The following STAG1 variants were observed in gnomAD, a reference collection of about 807,000 sequenced individuals.
STAG1 encodes the protein cohesin subunit SA-1.
Under a neutral mutation model 170.9 loss-of-function variants are expected in STAG1, and 26 were observed. That is an observed-to-expected ratio of 0.15 (90% CI 0.11 to 0.21). The LOEUF (loss-of-function observed/expected upper bound fraction) is 0.21. Among genes scored for constraint, STAG1 ranks in the 10% least tolerant of loss-of-function variants. The pLI, the probability that STAG1 is intolerant of heterozygous loss-of-function variation, is 1.00. For synonymous variants in STAG1, 514 were observed against 497.7 expected (o/e 1.03, Z -0.44); for missense variants, 964 against 1,509.5 (o/e 0.64, Z 5.99).
chr3:136,610,692 C>T (rs1427105002), intron 3 of STAG1, among the ~76,000 whole-genome samples: 1 of 151,984 alleles, frequency 6.6e-6, no homozygotes, highest in African/African-American at 2.4e-5. Context: ...TGCACACAAA[C>T]TGAAATGTCT....
chr3:136,509,352 A>G (rs953845796), intron 7 of STAG1, among the ~76,000 whole-genome samples: 1 of 151,898 alleles, frequency 6.6e-6, no homozygotes, highest in Non-Finnish European at 1.5e-5. Context: ...AGTATAATAC[A>G]CTAAGGGGAT....
chr3:136,625,584 T>C (rs1213917707), intron 2 of STAG1, among the ~76,000 whole-genome samples: 2 of 152,246 alleles, frequency 1.3e-5, no homozygotes, highest in Non-Finnish European at 2.9e-5. Flanking sequence ...AAATTTATTG[T>C]CACCATTATC....
chr3:136,342,309 G>A lies in STAG1; in HGVS notation c.3447-758C>T, dbSNP rs1000109845. The stretch of plus-strand genomic sequence containing the variant: ...GCTGGGATTACAGGCATGAGCCACC[G>A]CGCCCAGCCAGGAATTTTTTTTTTT... On this transcript the variant is annotated intron_variant, in intron 30 of 33. Transcript: ENST00000383202. Among the ~76,000 whole-genome samples, 51 of 151,410 alleles carry A rather than the reference G, an allele frequency of 3.4e-4. 1 individual carries two copies. Among genetic ancestry groups the A allele is most frequent in the Admixed American group, 3.3e-3 (50 of 15,178 alleles).
intron 1 of STAG1, among the ~76,000 whole-genome samples, chr3:136,648,111 G>T (rs961558086): frequency 6.6e-6 from 1 of 152,202 alleles, no homozygotes; most frequent in African/African-American, 2.4e-5. Flanking sequence ...TGGACAGTAA[G>T]TATCTAGGGG....
chr3:136,412,698 T>C (rs1293934691), intron 21 of STAG1, among the ~76,000 whole-genome samples: 1 of 152,072 alleles, frequency 6.6e-6, no homozygotes, highest in Non-Finnish European at 1.5e-5. Context: ...TTCTGTAAAA[T>C]AACTAGTCTA....
At chr3:136,475,238 C>G (rs1269543369) in intron 10 of STAG1, among the ~76,000 whole-genome samples, 1 of 149,852 alleles carries the variant, frequency 6.7e-6, no homozygotes, top group Admixed American at 6.8e-5. Context: ...CCTCCGCCTC[C>G]CAGGTTCAAG....
chr3:136,500,180 G>C (rs1409421686), intron 9 of STAG1, 43 bp downstream of exon 9: 1 of 1,250,046 alleles, frequency 8.0e-7, no homozygotes, highest in Non-Finnish European at 1.1e-6. Flanking sequence ...ATCAATAATT[G>C]TTTAAGTGAA....
At chr3:136,426,195 CAGG>C (rs1414791357) in intron 16 of STAG1, among the ~76,000 whole-genome samples, 2 of 151,492 alleles carry the variant, frequency 1.3e-5, no homozygotes, top group African/African-American at 4.8e-5. Context: ...ATCACGAGGT[CAGG>C]AGATCGAGAC....
chr3:136,431,188 G>C (rs1360460903), intron 16 of STAG1, among the ~76,000 whole-genome samples: 6 of 151,908 alleles, frequency 3.9e-5, no homozygotes. Context: ...GCAGGAGTGA[G>C]CCACTGCACC....
intron 20 of STAG1, among the ~76,000 whole-genome samples, chr3:136,418,191 T>TA (rs2087829195): frequency 6.6e-6 from 1 of 151,106 alleles, no homozygotes; most frequent in East Asian, 1.9e-4. Flanking sequence ...CTGTCTCTAT[T>TA]AAAAATACAC....
chr3:136,664,135 G>C (rs541233201), intron 1 of STAG1, among the ~76,000 whole-genome samples: 9 of 152,256 alleles, frequency 5.9e-5, no homozygotes, highest in African/African-American at 2.2e-4. Context: ...TTCAAACTAT[G>C]GGGTTTCAAA....
At chr3:136,385,021 G>GTAA (rs1166225448) in intron 22 of STAG1, among the ~76,000 whole-genome samples, 1 of 152,156 alleles carries the variant, frequency 6.6e-6, no homozygotes, top group East Asian at 1.9e-4. Flanking sequence ...ATACAGAAGA[G>GTAA]TAATCTATGC....
At chr3:136,391,383 T>C (rs1156340318) in intron 22 of STAG1, among the ~76,000 whole-genome samples, 1 of 149,432 alleles carries the variant, frequency 6.7e-6, no homozygotes, top group Non-Finnish European at 1.5e-5. Flanking sequence ...TTTTTTTTTT[T>C]TTTTCTTTTT....
At chr3:136,493,166 A>G (rs1345953405) in intron 9 of STAG1, among the ~76,000 whole-genome samples, 5 of 152,134 alleles carry the variant, frequency 3.3e-5, no homozygotes, top group Non-Finnish European at 7.4e-5. Flanking sequence ...ACATGGCGAA[A>G]CTTCGTCTCT....
At chr3:136,632,571 C>T (rs76900841) in intron 1 of STAG1, among the ~76,000 whole-genome samples, 1,606 of 152,104 alleles carry the variant, frequency 0.011, 24 homozygotes, top group East Asian at 0.038. Flanking sequence ...CACATAAGCT[C>T]TCTGGGGTAA....
At chr3:136,730,106 G>A (rs867496974) in intron 1 of STAG1, among the ~76,000 whole-genome samples, 11 of 151,816 alleles carry the variant, frequency 7.2e-5, no homozygotes, top group Non-Finnish European at 1.3e-4. Flanking sequence ...CTCTGTCACT[G>A]CAACCTCAAG....
At chr3:136,718,017 C>G (rs1394306454) in intron 1 of STAG1, among the ~76,000 whole-genome samples, 2 of 152,112 alleles carry the variant, frequency 1.3e-5, no homozygotes, top group Admixed American at 1.3e-4. Context: ...CCTAAAATCC[C>G]TAAAGAGATT....
At chr3:136,646,420 A>G (rs2107851388) in intron 1 of STAG1, among the ~76,000 whole-genome samples, 1 of 152,300 alleles carries the variant, frequency 6.6e-6, no homozygotes. Flanking sequence ...AATACTCTCC[A>G]AAGTTCATCC....
intron 6 of STAG1, among the ~76,000 whole-genome samples, chr3:136,524,705 C>T (rs1220887956): frequency 1.3e-5 from 2 of 151,166 alleles, no homozygotes; most frequent in Non-Finnish European, 3.0e-5. Context: ...CAGTTTTTGC[C>T]CATTCAGTAT....
Sources: allele counts gnomAD v4.1 joint callset (sites outside exome capture counted in the v4.1 genomes callset), GRCh38; gene constraint gnomAD v4.1.1; transcripts MANE v1.5; gene names NCBI Gene and HGNC (gene_info 2026-07-23, HGNC 2026-07-21).